Variants in MPZL3 observed in about 807,000 individuals in gnomAD.
MPZL3 encodes the protein myelin protein zero-like protein 3.
A neutral mutation model predicts 24.8 loss-of-function variants in MPZL3; 23 were observed. That is an observed-to-expected ratio of 0.93 (90% CI 0.67 to 1.31). MPZL3 has a LOEUF of 1.31. MPZL3 is among the 40% of genes most tolerant of loss of function. The pLI is 0.00. For synonymous variants in MPZL3, 99 were observed against 106.5 expected (o/e 0.93, Z 0.44); for missense variants, 277 against 294.9 (o/e 0.94, Z 0.44).
chr11:118,227,994 G>A lies in MPZL3; in HGVS notation c.*1900C>T, dbSNP rs1295454768. 1 of 152,122 alleles carries A rather than the reference G, an allele frequency of 6.6e-6. No homozygotes were observed. The highest frequency in any genetic ancestry group is 6.6e-5 in the Admixed American group (1 of 15,264). The allele number at this position is 152,122 out of a possible 1,614,324, so 9.4% of individuals were successfully genotyped here. A position where few individuals can be genotyped will look rare whatever the true frequency, so the allele number is the denominator to read the frequency against. On this transcript the variant is annotated 3_prime_UTR_variant, in exon 6 of 6. Transcript: ENST00000278949. Reference sequence around the variant, plus strand: ...GTGTCAGAAATGGTCACGTTAGATTGGCCTCAGACAACCACAAAAGTTAAC... The same window carrying A: ...GTGTCAGAAATGGTCACGTTAGATTAGCCTCAGACAACCACAAAAGTTAAC...
In MPZL3 at chr11:118,229,716, TA is replaced by T. The variant is rs1949324109; in HGVS notation, c.*177del. On this transcript the variant is annotated 3_prime_UTR_variant, in exon 6 of 6. Coordinates refer to ENST00000278949, the MANE Select transcript of MPZL3 (RefSeq NM_198275.3). ...TGAGAGTTCCTGAACAGTTTATAAA[TA>T]CAACAAGAACATTTATTCAATAAAT... 5.4e-6 allele frequency: 3 copies of T among 556,262 alleles called. No individual in the cohort carries two copies. Among genetic ancestry groups the T allele is most frequent in the Admixed American group, 3.5e-5 (1 of 28,790 alleles). 34.5% of individuals were successfully genotyped at this position (556,262 alleles called of 1,614,324 possible).
At chr11:118,246,826 T>A (rs1362106914) in intron 1 of MPZL3, among the ~76,000 whole-genome samples, 2 of 151,994 alleles carry the variant, frequency 1.3e-5, no homozygotes, top group Admixed American at 6.6e-5. Context: ...ACTCAGGCAA[T>A]CCTCCCATCT....
At chr11:118,230,788 T>C (rs1318386766) in intron 5 of MPZL3, among the ~76,000 whole-genome samples, 1 of 152,152 alleles carries the variant, frequency 6.6e-6, no homozygotes, top group East Asian at 1.9e-4. Context: ...ATCCATCTAT[T>C]TGGCCTTCCC....
At position 118,240,402 on chromosome 11, in the gene MPZL3, T is replaced by C. The variant is rs778571807; in HGVS notation, c.74-25A>G. The stretch of plus-strand genomic sequence containing the variant: ...CCTAATCAAAGCAAACCCAAACACT[T>C]AAAATGCATTCATGTGGGTGGAATA... On this transcript the variant is annotated intron_variant, in intron 1 of 5. Transcript: ENST00000278949. 11 of 1,583,880 alleles carry C rather than the reference T, an allele frequency of 6.9e-6. 1 individual carries two copies. The South Asian group carries it at 1.3e-4, about 18-fold the overall frequency.
chr11:118,240,419 G>T lies in MPZL3; in HGVS notation c.74-42C>A, dbSNP rs747563244. On this transcript the variant is annotated intron_variant, in intron 1 of 5. Transcript: ENST00000278949. Reference sequence around the variant, plus strand: ...CAAACACTTAAAATGCATTCATGTGGGTGGAATATACAGATGTGAGTGAAC... The same window carrying T: ...CAAACACTTAAAATGCATTCATGTGTGTGGAATATACAGATGTGAGTGAAC... The T allele has an allele frequency of 1.9e-6, 3 of 1,565,786 alleles. No homozygotes were observed. The South Asian group carries it at 3.6e-5, about 19-fold the overall frequency.
intron 1 of MPZL3, among the ~76,000 whole-genome samples, chr11:118,243,544 G>T (rs542044464): frequency 6.6e-6 from 1 of 152,116 alleles, no homozygotes; most frequent in Non-Finnish European, 1.5e-5. Context: ...CGAGGCAGGG[G>T]GATCACATGA....
intron 1 of MPZL3, 101 bp downstream of exon 1, chr11:118,252,121 T>A (rs886695768): frequency 8.6e-7 from 1 of 1,167,494 alleles, no homozygotes; most frequent in Non-Finnish European, 1.3e-6. Context: ...CCCAGAGCTA[T>A]GCGGGGGCTT....
intron 1 of MPZL3, among the ~76,000 whole-genome samples, chr11:118,249,051 T>TTTGA (rs66499214): frequency 6.6e-6 from 1 of 151,778 alleles, no homozygotes; most frequent in African/African-American, 2.4e-5. Context: ...TTTTTGTTTG[T>TTTGA]TTGTTTTTTG....
At chr11:118,236,539 T>C (rs987502685) in intron 3 of MPZL3, among the ~76,000 whole-genome samples, 8 of 151,802 alleles carry the variant, frequency 5.3e-5, no homozygotes, top group African/African-American at 1.5e-4. Flanking sequence ...GGGAATAACA[T>C]AGAAAAAAAA....
At chr11:118,250,168 A>ATTTTTTTT (rs71041823) in intron 1 of MPZL3, among the ~76,000 whole-genome samples, 2 of 104,260 alleles carry the variant, frequency 1.9e-5, no homozygotes, top group Non-Finnish European at 3.7e-5. Context: ...CACCTGGCTA[A>ATTTTTTTT]TTTTTTTTTT....
chr11:118,227,780 G>T lies in MPZL3; in HGVS notation c.*2114C>A, dbSNP rs1949289266. Reference sequence around the variant, plus strand: ...ACACCTGCGAGGACATTACAAGAAGGCCCAGCCAAAATTAGTTCCTCATTT... The same window carrying T: ...ACACCTGCGAGGACATTACAAGAAGTCCCAGCCAAAATTAGTTCCTCATTT... On this transcript the variant is annotated 3_prime_UTR_variant, in exon 6 of 6. Transcript: ENST00000278949. 1 of 152,094 alleles carries T rather than the reference G, an allele frequency of 6.6e-6. No individual in the cohort carries two copies. The highest frequency in any genetic ancestry group is 2.1e-4 in the South Asian group (1 of 4,818). 9.4% of individuals were successfully genotyped at this position (152,094 alleles called of 1,614,324 possible). A position where few individuals can be genotyped will look rare whatever the true frequency, so the allele number is the denominator to read the frequency against.
In MPZL3 at chr11:118,233,437, CAGA is replaced by C; in HGVS notation, c.681+20_681+22del. The C allele has an allele frequency of 6.2e-7, 1 of 1,613,460 alleles. No individual in the cohort carries two copies. Among genetic ancestry groups the C allele is most frequent in the Non-Finnish European group, 8.5e-7 (1 of 1,179,636 alleles). On this transcript the variant is annotated intron_variant, in intron 5 of 5. Coordinates refer to ENST00000278949, the MANE Select transcript of MPZL3 (RefSeq NM_198275.3). ...AGGAAAGTGGGACATCAACAGTAAGCAGAAGGAATGGCATGCACTTACCAGGCA... is the reference window on the plus strand; with the variant it reads ...AGGAAAGTGGGACATCAACAGTAAGCAGGAATGGCATGCACTTACCAGGCA...
At chr11:118,240,506 G>T in intron 1 of MPZL3, 129 bp from the exon 2 acceptor site, 1 of 884,000 alleles carries the variant, frequency 1.1e-6, no homozygotes, top group East Asian at 3.2e-5. Flanking sequence ...TATCTTCTCA[G>T]GCAAGCCCAC....
chr11:118,249,242 T>G (rs11216833), intron 1 of MPZL3, among the ~76,000 whole-genome samples: 95,779 of 151,984 alleles, frequency 0.63, 31,616 homozygotes, highest in South Asian at 0.81. Flanking sequence ...GCAAGGAACA[T>G]TTTATATATC....
At chr11:118,243,055 A>G (rs1350436288) in intron 1 of MPZL3, among the ~76,000 whole-genome samples, 1 of 152,162 alleles carries the variant, frequency 6.6e-6, no homozygotes, top group East Asian at 1.9e-4. Context: ...TTTCCATTGC[A>G]CCCTTTCAGA....
At chr11:118,240,526 G>A in intron 1 of MPZL3, 149 bp from the exon 2 acceptor site, 1 of 686,806 alleles carries the variant, frequency 1.5e-6, no homozygotes, top group East Asian at 3.3e-5. Context: ...CAAGGGACAA[G>A]GAGTTGATAT....
At chr11:118,251,116 T>TGA (rs1170447495) in intron 1 of MPZL3, among the ~76,000 whole-genome samples, 3 of 127,030 alleles carry the variant, frequency 2.4e-5, no homozygotes, top group Non-Finnish European at 5.1e-5. Context: ...TGTGTGTGTG[T>TGA]GTGAAAGAGA....
rs1315143678 is a variant in MPZL3, at chr11:118,228,082, G to A, written c.*1812C>T. 1 of 152,156 alleles carries A rather than the reference G, an allele frequency of 6.6e-6. No individual in the cohort carries two copies. Among genetic ancestry groups the A allele is most frequent in the Admixed American group, 6.5e-5 (1 of 15,280 alleles). The allele number at this position is 152,156 out of a possible 1,614,324, so 9.4% of individuals were successfully genotyped here. On this transcript the variant is annotated 3_prime_UTR_variant, in exon 6 of 6. Coordinates refer to ENST00000278949, the MANE Select transcript of MPZL3 (RefSeq NM_198275.3). Reference sequence around the variant, plus strand: ...AATGTAAACTGCCGGTCCTGTCTTTGCCCTTCTACTTCCTCGCGTGACCAG... The same window carrying A: ...AATGTAAACTGCCGGTCCTGTCTTTACCCTTCTACTTCCTCGCGTGACCAG...
Position 118,228,085 on chromosome 11 carries a change from C to T in MPZL3, c.*1809G>A, listed in dbSNP as rs1450089779. On this transcript the variant is annotated 3_prime_UTR_variant, in exon 6 of 6. Coordinates refer to ENST00000278949, the MANE Select transcript of MPZL3 (RefSeq NM_198275.3). ...GTAAACTGCCGGTCCTGTCTTTGCC[C>T]TTCTACTTCCTCGCGTGACCAGAGT... 1 of 152,116 alleles carries T rather than the reference C, an allele frequency of 6.6e-6. No individual in the cohort carries two copies. Among genetic ancestry groups the T allele is most frequent in the Non-Finnish European group, 1.5e-5 (1 of 68,032 alleles). 9.4% of individuals were successfully genotyped at this position (152,116 alleles called of 1,614,324 possible).
Sources: gnomAD v4.1 joint callset for allele counts (sites outside exome capture counted in the v4.1 genomes callset) on GRCh38, gnomAD v4.1.1 for gene constraint, MANE v1.5 for transcripts, NCBI Gene and HGNC (gene_info 2026-07-23, HGNC 2026-07-21) for gene names.